Variants in PTPRM observed in about 807,000 individuals in gnomAD.
PTPRM encodes protein tyrosine phosphatase receptor type M.
PTPRM carries 47 observed loss-of-function variants against 186.7 expected under a neutral mutation model. The observed-to-expected ratio is 0.25, with a 90% CI of 0.20 to 0.32. PTPRM has a LOEUF of 0.32. PTPRM is among the 10% of genes least tolerant of loss of function. The pLI, the probability that PTPRM is intolerant of heterozygous loss-of-function variation, is 1.00. For missense variants in PTPRM, 1,494 were observed against 1,865.0 expected (o/e 0.80, Z 3.66); for synonymous variants, 668 against 674.9 (o/e 0.99, Z 0.16).
chr18:7,775,749 A>G (rs1239334180), intron 2 of PTPRM, among the ~76,000 whole-genome samples: 1 of 152,240 alleles, frequency 6.6e-6, no homozygotes, highest in Non-Finnish European at 1.5e-5. Context: ...TTGTTCTTAA[A>G]TTGAAACTTG....
At chr18:8,036,036 T>C (rs2086305518) in intron 7 of PTPRM, among the ~76,000 whole-genome samples, 1 of 152,148 alleles carries the variant, frequency 6.6e-6, no homozygotes, top group Non-Finnish European at 1.5e-5. Context: ...CCAAATATTA[T>C]TGAAATACAA....
intron 1 of PTPRM, among the ~76,000 whole-genome samples, chr18:7,737,260 T>A (rs1042804126): frequency 6.6e-6 from 1 of 152,058 alleles, no homozygotes; most frequent in Non-Finnish European, 1.5e-5. Context: ...CACGCCCATC[T>A]AATTTTTTGT....
At chr18:8,335,805 T>C (rs532581994) in intron 22 of PTPRM, among the ~76,000 whole-genome samples, 1 of 152,162 alleles carries the variant, frequency 6.6e-6, no homozygotes, top group Non-Finnish European at 1.5e-5. Context: ...GCAGATCATT[T>C]CAGGTCAGGA....
At chr18:7,745,416 T>G (rs1161809308) in intron 1 of PTPRM, among the ~76,000 whole-genome samples, 1 of 152,206 alleles carries the variant, frequency 6.6e-6, no homozygotes, top group Non-Finnish European at 1.5e-5. Context: ...TTGGTGTAAC[T>G]TGACAGTAGA....
intron 2 of PTPRM, among the ~76,000 whole-genome samples, chr18:7,882,094 G>C (rs1267175674): frequency 6.6e-6 from 1 of 152,140 alleles, no homozygotes; most frequent in Non-Finnish European, 1.5e-5. Context: ...ATGGTCGGCA[G>C]ATCAGAGCTG....
At chr18:7,859,462 C>G (rs2047246031) in intron 2 of PTPRM, among the ~76,000 whole-genome samples, 1 of 152,226 alleles carries the variant, frequency 6.6e-6, no homozygotes, top group Admixed American at 6.5e-5. Context: ...TCTCCCAACT[C>G]TGATGTCACT....
chr18:8,086,227 T>C (rs1229084527), intron 10 of PTPRM, among the ~76,000 whole-genome samples: 2 of 152,102 alleles, frequency 1.3e-5, no homozygotes, highest in African/African-American at 4.8e-5. Flanking sequence ...CATCGGGAGC[T>C]CTGCAGAAAG....
At chr18:7,806,115 A>G (rs1022450802) in intron 2 of PTPRM, among the ~76,000 whole-genome samples, 1 of 152,166 alleles carries the variant, frequency 6.6e-6, no homozygotes, top group Non-Finnish European at 1.5e-5. Flanking sequence ...CCCACTGGAC[A>G]TACTCTGAAC....
intron 5 of PTPRM, among the ~76,000 whole-genome samples, chr18:7,930,592 T>A (rs2051428103): frequency 1.3e-5 from 2 of 152,292 alleles, no homozygotes; most frequent in Non-Finnish European, 1.5e-5. Flanking sequence ...TCCACTCTAC[T>A]ATACCGTCTT....
At chr18:7,666,133 C>CA (rs1474736618) in intron 1 of PTPRM, among the ~76,000 whole-genome samples, 1 of 152,108 alleles carries the variant, frequency 6.6e-6, no homozygotes, top group African/African-American at 2.4e-5. Context: ...AGACTTGAGG[C>CA]AAAGCTATTG....
intron 14 of PTPRM, among the ~76,000 whole-genome samples, chr18:8,209,089 A>G (rs987827688): frequency 6.6e-6 from 1 of 152,196 alleles, no homozygotes; most frequent in Non-Finnish European, 1.5e-5. Context: ...TCTGAATGCA[A>G]TGGAGTCCCG....
rs754658656 is a variant in PTPRM, at chr18:7,949,236, G to A, written c.719G>A (p.Arg240His). 6.2e-7 allele frequency: 1 copy of A among 1,611,596 alleles called. No individual in the cohort carries two copies. Among genetic ancestry groups the A allele is most frequent in the Non-Finnish European group, 8.5e-7 (1 of 1,177,682 alleles). ...GAAATCAAGGTGACCAGCTCCCGAC[G>A]CTTCATTGCTTCATTTAATGTTGTG... ...LKEIKVTSSR[R>H]FIASFNVVNT... Residue 240 changes from arginine (R) to histidine (H), a missense_variant, in exon 6 of 33, where the codon CGC becomes CAC. Coordinates refer to ENST00000580170, the MANE Select transcript of PTPRM (RefSeq NM_001105244.2).
At chr18:8,273,216 T>C (rs1321299673) in intron 19 of PTPRM, among the ~76,000 whole-genome samples, 8 of 152,252 alleles carry the variant, frequency 5.3e-5, no homozygotes, top group South Asian at 4.1e-4. Flanking sequence ...AATGCATTTC[T>C]ATCACCTTAT....
intron 1 of PTPRM, among the ~76,000 whole-genome samples, chr18:7,733,653 A>G (rs1320483437): frequency 6.6e-6 from 1 of 152,180 alleles, no homozygotes; most frequent in East Asian, 1.9e-4. Flanking sequence ...TCCTTGAGGA[A>G]TCAGAGCACA....
At chr18:8,081,601 G>C (rs551846262) in intron 9 of PTPRM, among the ~76,000 whole-genome samples, 1 of 152,302 alleles carries the variant, frequency 6.6e-6, no homozygotes, top group African/African-American at 2.4e-5. Flanking sequence ...ATATTTTGGT[G>C]CCCTTTAGAG....
chr18:8,299,150 G>A (rs1420541040), intron 20 of PTPRM, among the ~76,000 whole-genome samples: 1 of 152,054 alleles, frequency 6.6e-6, no homozygotes, highest in Non-Finnish European at 1.5e-5. Context: ...TCTCCACTTG[G>A]CCCGTGTGGG....
chr18:8,401,924 A>G (rs2095874420), intron 32 of PTPRM, among the ~76,000 whole-genome samples: 1 of 152,198 alleles, frequency 6.6e-6, no homozygotes, highest in African/African-American at 2.4e-5. Context: ...TTACGGTCTG[A>G]CCCAAGGATG....
intron 7 of PTPRM, among the ~76,000 whole-genome samples, chr18:7,964,840 C>T (rs772752551): frequency 5.3e-5 from 8 of 151,496 alleles, no homozygotes; most frequent in Admixed American, 1.3e-4. Context: ...AAGGTGTGGT[C>T]GGGATAGAAA....
At chr18:8,247,969 A>C (rs1357876766) in intron 16 of PTPRM, 50 bp downstream of exon 16, 1 of 1,474,852 alleles carries the variant, frequency 6.8e-7, no homozygotes, top group East Asian at 2.3e-5. Flanking sequence ...CAGCAGTCAG[A>C]ATCACTCCGC....
Sources: gnomAD v4.1 joint callset for allele counts (sites outside exome capture counted in the v4.1 genomes callset) on GRCh38, gnomAD v4.1.1 for gene constraint, MANE v1.5 for transcripts, NCBI Gene and HGNC (gene_info 2026-07-23, HGNC 2026-07-21) for gene names.